UBE2U: variants seen among roughly 807,000 people sequenced by gnomAD.
UBE2U encodes ubiquitin-conjugating enzyme E2 U.
Under a neutral mutation model 41.2 loss-of-function variants are expected in UBE2U, and 39 were observed. The ratio of observed to expected loss-of-function variants is 0.95; its 90% CI spans 0.73 to 1.24. The LOEUF is 1.24. Among genes scored for constraint, UBE2U ranks in the 50% most tolerant of loss-of-function variants. The pLI is 0.00. For synonymous variants in UBE2U, 107 were observed against 117.8 expected (o/e 0.91, Z 0.60); for missense variants, 336 against 363.1 (o/e 0.93, Z 0.61).
chr1:64,259,976 A>C (rs555174097), intron 8 of UBE2U, among the ~76,000 whole-genome samples: 10 of 151,854 alleles, frequency 6.6e-5, no homozygotes, highest in African/African-American at 2.4e-4. Flanking sequence ...ATGAGGCTAT[A>C]CTAGATTTAG....
At chr1:64,262,111 CTG>C (rs1424899904) in intron 9 of UBE2U, among the ~76,000 whole-genome samples, 1 of 152,182 alleles carries the variant, frequency 6.6e-6, no homozygotes, top group Non-Finnish European at 1.5e-5. Flanking sequence ...GAGCAGTACA[CTG>C]TGTTTTCTCA....
rs1569998915 is a variant in UBE2U at position 64,220,912 on chromosome 1, G to C, written c.506+5G>C. On this transcript the variant is annotated splice_donor_5th_base_variant and intron_variant, in intron 6 of 9. Transcript: ENST00000371077. ...AGACCCACGTAAATGTATCAGGTAA[G>C]TTTTTCTTTATACAATTTATGTCGA... 6.9e-6 allele frequency: 11 copies of C among 1,596,810 alleles called. No homozygotes were observed. The East Asian group carries it at 1.8e-4, about 26-fold the overall frequency.
chr1:64,216,507 T>C (rs188670979), intron 5 of UBE2U, among the ~76,000 whole-genome samples: 6 of 152,358 alleles, frequency 3.9e-5, no homozygotes, highest in African/African-American at 1.2e-4. Context: ...AAAACTAACA[T>C]AGGACAAACA....
chr1:64,238,562 T>G (rs2100424794), intron 7 of UBE2U, among the ~76,000 whole-genome samples: 1 of 152,232 alleles, frequency 6.6e-6, no homozygotes, highest in Admixed American at 6.5e-5. Flanking sequence ...TAAAAAGTAT[T>G]AATAACGTCT....
rs963839387 is a variant in UBE2U at position 64,211,612 on chromosome 1, T to A, written c.339+773T>A. Among the ~76,000 whole-genome samples the A allele has an allele frequency of 7.9e-5, 12 of 151,854 alleles. 1 individual carries two copies. The highest frequency in any genetic ancestry group is 2.0e-4 in the Admixed American group (3 of 15,242). On this transcript the variant is annotated intron_variant, in intron 4 of 9. Coordinates refer to ENST00000371077, the MANE Select transcript of UBE2U (RefSeq NM_001366232.2). ...GCCCTACCATGGATGGCTAATTTTT[T>A]AAATTTTCTGTAGAGACGGGGTCTC...
In UBE2U at chr1:64,206,978, G is replaced by C. The variant is rs142908381; in HGVS notation, c.241+122G>C. On this transcript the variant is annotated intron_variant, in intron 3 of 9. Coordinates refer to ENST00000371077, the MANE Select transcript of UBE2U (RefSeq NM_001366232.2). ...TTCTAAAAGTAAGAACTCTCATTGG[G>C]GAAAATATGAAAAGGCTGGAAAAAA... The C allele has an allele frequency of 1.4e-4, 92 of 664,020 alleles. No homozygotes were observed. In the African/African-American group the frequency reaches 1.6e-3, roughly 12 times the overall value. The allele number at this position is 664,020 out of a possible 1,614,324, so 41.1% of individuals were successfully genotyped here. A position where few individuals can be genotyped will look rare whatever the true frequency, so the allele number is the denominator to read the frequency against.
At chr1:64,238,105 C>A (rs1644703409) in intron 7 of UBE2U, among the ~76,000 whole-genome samples, 1 of 152,074 alleles carries the variant, frequency 6.6e-6, no homozygotes, top group Admixed American at 6.6e-5. Flanking sequence ...ATGTGCCTAG[C>A]ATATAATAAA....
rs149687595 is a variant in UBE2U, at chr1:64,214,898, A to C, written c.423A>C (p.Arg141Ser). 1,138 of 1,614,160 alleles carry C rather than the reference A, an allele frequency of 7.1e-4. 14 individuals are homozygous for C. The Middle Eastern group carries it at 9.4e-3, about 13-fold the overall frequency. Reference sequence around the variant, plus strand: ...TGGTTAAAGATGAATCTCTGTACAGAACAATTCTAAGACTTTTCAACAGGC... The same window carrying C: ...TGGTTAAAGATGAATCTCTGTACAGCACAATTCTAAGACTTTTCAACAGGC... Reference protein sequence around the residue: ...RILVKDESLYRTILRLFNRPL... With the variant: ...RILVKDESLYSTILRLFNRPL... The change falls in exon 5 of 10, where the codon AGA becomes AGC. Residue 141 changes from arginine (R) to serine (S), a missense_variant. Coordinates refer to ENST00000371077, the MANE Select transcript of UBE2U (RefSeq NM_001366232.2).
At chr1:64,224,479 CT>C (rs1652714084) in intron 6 of UBE2U, among the ~76,000 whole-genome samples, 1 of 151,916 alleles carries the variant, frequency 6.6e-6, no homozygotes, top group Non-Finnish European at 1.5e-5. Context: ...TCCCAGCACT[CT>C]GGGAGGCCGA....
chr1:64,225,468 T>C (rs1296625026), intron 6 of UBE2U, among the ~76,000 whole-genome samples: 1 of 152,206 alleles, frequency 6.6e-6, no homozygotes, highest in Non-Finnish European at 1.5e-5. Flanking sequence ...GTAAGGAAAT[T>C]GGGACACTGT....
chr1:64,206,323 T>C (rs1414488621), intron 2 of UBE2U, among the ~76,000 whole-genome samples: 1 of 152,112 alleles, frequency 6.6e-6, no homozygotes, highest in East Asian at 1.9e-4. Context: ...TAGTTAATTA[T>C]GCCTGAGGGA....
In UBE2U at chr1:64,267,153, TG is replaced by T. The variant is rs1200096145; in HGVS notation, c.901del (p.Glu301LysfsTer3). 1 of 1,549,072 alleles carries T rather than the reference TG, an allele frequency of 6.5e-7. No individual in the cohort carries two copies. Among genetic ancestry groups the T allele is most frequent in the Non-Finnish European group, 8.7e-7 (1 of 1,146,712 alleles). On this transcript the variant is annotated frameshift_variant, in exon 10 of 10. Coordinates refer to ENST00000371077, the MANE Select transcript of UBE2U (RefSeq NM_001366232.2). LOFTEE classifies it low-confidence loss of function (END_TRUNC). Reference protein sequence around the residue: ...NDTDEPREEEVEDLISWTNTL... With the variant: ...NDTDEPREEEXEDLISWTNTL... ...ACAGATGAGCCCAGGGAAGAGGAAG[TG>T]GAAGATCTGATCTCCTGGACCAATA...
chr1:64,213,849 A>G (rs1651807581), intron 4 of UBE2U, among the ~76,000 whole-genome samples: 2 of 152,242 alleles, frequency 1.3e-5, no homozygotes, highest in Non-Finnish European at 2.9e-5. Flanking sequence ...TACGAAGGCT[A>G]TGTTATAGCC....
intron 8 of UBE2U, among the ~76,000 whole-genome samples, chr1:64,251,963 C>G (rs1426743750): frequency 6.6e-6 from 1 of 152,162 alleles, no homozygotes; most frequent in Non-Finnish European, 1.5e-5. Flanking sequence ...CTCCAGCCAA[C>G]CAGCAGCAAT....
At chr1:64,208,848 A>T (rs1651482075) in intron 3 of UBE2U, among the ~76,000 whole-genome samples, 1 of 152,178 alleles carries the variant, frequency 6.6e-6, no homozygotes, top group African/African-American at 2.4e-5. Flanking sequence ...GTAGGTATTC[A>T]GATATTTTTT....
At chr1:64,266,148 C>T (rs1645251414) in intron 9 of UBE2U, among the ~76,000 whole-genome samples, 1 of 152,094 alleles carries the variant, frequency 6.6e-6, no homozygotes, top group African/African-American at 2.4e-5. Context: ...AGCAAGGTCC[C>T]CATGCTGTGT....
intron 8 of UBE2U, among the ~76,000 whole-genome samples, chr1:64,254,851 C>T (rs1448256952): frequency 6.6e-6 from 1 of 151,980 alleles, no homozygotes; most frequent in Non-Finnish European, 1.5e-5. Flanking sequence ...TCTAACATCA[C>T]AACTAAAAGA....
intron 8 of UBE2U, among the ~76,000 whole-genome samples, chr1:64,258,905 CCA>C (rs1645139354): frequency 6.6e-6 from 1 of 152,202 alleles, no homozygotes; most frequent in African/African-American, 2.4e-5. Context: ...ACACTGTCTT[CCA>C]CAATGGTTGA....
At chr1:64,261,608 C>T (rs546049119) in intron 9 of UBE2U, among the ~76,000 whole-genome samples, 7 of 152,252 alleles carry the variant, frequency 4.6e-5, no homozygotes, top group African/African-American at 7.2e-5. Flanking sequence ...TGGTGTGCCA[C>T]GCAGATTTCC....
Sources: gnomAD v4.1 joint callset for allele counts (sites outside exome capture counted in the v4.1 genomes callset) on GRCh38, gnomAD v4.1.1 for gene constraint, MANE v1.5 for transcripts, NCBI Gene and HGNC (gene_info 2026-07-23, HGNC 2026-07-21) for gene names.